Variants in RBMS3 observed in about 807,000 individuals in gnomAD.
RBMS3 encodes RNA-binding motif, single-stranded-interacting protein 3.
RBMS3 carries 27 observed loss-of-function variants against 66.8 expected under a neutral mutation model. The ratio of observed to expected loss-of-function variants is 0.40; its 90% CI spans 0.30 to 0.56. The LOEUF is 0.56. Among genes scored for constraint, RBMS3 ranks in the 20% least tolerant of loss-of-function variants. RBMS3 has a pLI of 0.40. For missense variants in RBMS3, 513 were observed against 549.5 expected, an observed-to-expected ratio of 0.93 and a Z score of 0.66; for synonymous variants, 188 against 183.0, an observed-to-expected ratio of 1.03 and a Z score of -0.22.
chr3:29,971,944 A>G (rs1233101282), intron 12 of RBMS3, among the ~76,000 whole-genome samples: 1 of 152,178 alleles, frequency 6.6e-6, no homozygotes, highest in Non-Finnish European at 1.5e-5. Context: ...GGTTAGCAAG[A>G]AAATGCTCTT....
At chr3:29,946,775 A>T (rs1695344347) in intron 12 of RBMS3, among the ~76,000 whole-genome samples, 1 of 151,568 alleles carries the variant, frequency 6.6e-6, no homozygotes, top group Non-Finnish European at 1.5e-5. Flanking sequence ...ATGGCATGAG[A>T]AGGCCTATGA....
At chr3:29,524,541 C>T (rs2045006931) in intron 3 of RBMS3, among the ~76,000 whole-genome samples, 1 of 149,866 alleles carries the variant, frequency 6.7e-6, no homozygotes, top group African/African-American at 2.5e-5. Context: ...TATTCTCCTG[C>T]CTCAGCCTCC....
chr3:29,819,866 G>A (rs1051780132), intron 6 of RBMS3, among the ~76,000 whole-genome samples: 3 of 151,986 alleles, frequency 2.0e-5, no homozygotes, highest in East Asian at 1.9e-4. Context: ...TTAAAGTGTC[G>A]AAGCCACTGT....
intron 1 of RBMS3, chr3:29,290,847 T>C (rs1215116458): frequency 6.6e-6 from 1 of 151,836 alleles, no homozygotes; most frequent in East Asian, 1.9e-4. Flanking sequence ...AATAGACGCT[T>C]TTTGAGGCCT....
chr3:29,645,805 T>C (rs1243300628), intron 4 of RBMS3, among the ~76,000 whole-genome samples: 2 of 152,242 alleles, frequency 1.3e-5, no homozygotes, highest in Admixed American at 6.5e-5. Flanking sequence ...ATTGGCATTG[T>C]GTAATGTTTT....
At chr3:29,787,985 A>G (rs1275059089) in intron 6 of RBMS3, among the ~76,000 whole-genome samples, 1 of 152,182 alleles carries the variant, frequency 6.6e-6, no homozygotes, top group Non-Finnish European at 1.5e-5. Context: ...TTATTTAAAA[A>G]TTCAAGAACT....
chr3:29,782,992 G>C (rs913939313), intron 6 of RBMS3, among the ~76,000 whole-genome samples: 26 of 151,776 alleles, frequency 1.7e-4, no homozygotes, highest in African/African-American at 6.1e-4. Context: ...AAAGAAAAAA[G>C]AATTTAAAAA....
intron 3 of RBMS3, among the ~76,000 whole-genome samples, chr3:29,568,433 T>G (rs1282195997): frequency 6.6e-6 from 1 of 152,230 alleles, no homozygotes; most frequent in African/African-American, 2.4e-5. Context: ...TTAGAATGTA[T>G]TTAAAACAAA....
intron 1 of RBMS3, among the ~76,000 whole-genome samples, chr3:29,405,285 T>G (rs916599719): frequency 1.3e-5 from 2 of 152,178 alleles, no homozygotes; most frequent in Non-Finnish European, 2.9e-5. Flanking sequence ...TTTAACCATG[T>G]TTACGCTTTT....
intron 4 of RBMS3, among the ~76,000 whole-genome samples, chr3:29,682,486 GATAATGA>G (rs1249929473): frequency 6.6e-6 from 1 of 152,166 alleles, no homozygotes; most frequent in African/African-American, 2.4e-5. Flanking sequence ...CTGATTCATT[GATAATGA>G]TTTTTGGCTG....
intron 10 of RBMS3, among the ~76,000 whole-genome samples, chr3:29,909,577 T>C (rs1159228499): frequency 6.6e-6 from 1 of 152,108 alleles, no homozygotes; most frequent in African/African-American, 2.4e-5. Flanking sequence ...CTAGAATCTT[T>C]TGAAATACAA....
intron 6 of RBMS3, among the ~76,000 whole-genome samples, chr3:29,833,149 T>C (rs1559719065): frequency 6.6e-6 from 1 of 152,166 alleles, no homozygotes; most frequent in Non-Finnish European, 1.5e-5. Flanking sequence ...TAGCTGAATC[T>C]AAGAGAGCTC....
At chr3:29,829,692 C>T (rs961012819) in intron 6 of RBMS3, among the ~76,000 whole-genome samples, 5 of 152,110 alleles carry the variant, frequency 3.3e-5, no homozygotes, top group Admixed American at 6.5e-5. Flanking sequence ...GCTGATGAAA[C>T]CTTGAGTCTG....
At chr3:29,799,046 G>T (rs1559683332) in intron 6 of RBMS3, among the ~76,000 whole-genome samples, 3 of 151,296 alleles carry the variant, frequency 2.0e-5, no homozygotes, top group African/African-American at 7.3e-5. Flanking sequence ...TTCACAGATG[G>T]TCTTTTCTTA....
intron 1 of RBMS3, among the ~76,000 whole-genome samples, chr3:29,302,417 TTA>T (rs1174597960): frequency 6.6e-6 from 1 of 152,024 alleles, no homozygotes; most frequent in Non-Finnish European, 1.5e-5. Context: ...AAATTGTTGT[TTA>T]TGTTTTACCC....
At chr3:29,541,982 T>G (rs1057344826) in intron 3 of RBMS3, among the ~76,000 whole-genome samples, 1 of 152,192 alleles carries the variant, frequency 6.6e-6, no homozygotes, top group Non-Finnish European at 1.5e-5. Context: ...CAAATCTTGT[T>G]CCATTTCTCA....
chr3:29,448,499 A>C (rs2041910910), intron 2 of RBMS3, among the ~76,000 whole-genome samples: 1 of 152,238 alleles, frequency 6.6e-6, no homozygotes, highest in Admixed American at 6.5e-5. Context: ...GCAAAAGGCT[A>C]GGATTTATTA....
chr3:29,300,554 AAT>A (rs1417304665), intron 1 of RBMS3, among the ~76,000 whole-genome samples: 2 of 152,034 alleles, frequency 1.3e-5, no homozygotes, highest in Non-Finnish European at 1.5e-5. Flanking sequence ...GCAGTTTTAT[AAT>A]ATGATTCCAA....
chr3:29,923,127 G>A (rs1461194742), intron 10 of RBMS3, among the ~76,000 whole-genome samples: 2 of 152,182 alleles, frequency 1.3e-5, no homozygotes. Flanking sequence ...ACATCATAAA[G>A]AGAGCTTGTT....
Sources: allele counts gnomAD v4.1 joint callset (sites outside exome capture counted in the v4.1 genomes callset), GRCh38; gene constraint gnomAD v4.1.1; transcripts MANE v1.5; gene names NCBI Gene and HGNC (gene_info 2026-07-23, HGNC 2026-07-21).